NPY2R: variants seen among roughly 807,000 people sequenced by gnomAD.
NPY2R encodes the protein neuropeptide Y receptor type 2.
A neutral mutation model predicts 22.3 loss-of-function variants in NPY2R; 17 were observed. The observed-to-expected ratio is 0.76, with a 90% CI of 0.52 to 1.14. The LOEUF is 1.14. Ranked by LOEUF, NPY2R falls within the 50% of genes most tolerant of loss-of-function variation. NPY2R has a pLI of 0.00. For synonymous variants in NPY2R, 209 were observed against 183.4 expected (o/e 1.14, Z -1.13); for missense variants, 424 against 467.9 (o/e 0.91, Z 0.87).
the NPY2R span, among the ~76,000 whole-genome samples, chr4:155,191,429 C>T: frequency 1.3e-5 from 2 of 151,896 alleles, no homozygotes; most frequent in African/African-American, 4.8e-5. Context: ...AACCAGAAGA[C>T]TTTTCTTTCT....
At chr4:155,206,006 G>C (rs10213647), upstream of NPY2R, among the ~76,000 whole-genome samples, 75,272 of 151,958 alleles carry the variant, frequency 0.5, 20,200 homozygotes, top group African/African-American at 0.72. Flanking sequence ...ATTTTTGCAG[G>C]CCAGCTGAGT....
At chr4:155,178,158 G>C in the NPY2R span, among the ~76,000 whole-genome samples, 1 of 152,136 alleles carries the variant, frequency 6.6e-6, no homozygotes, top group Non-Finnish European at 1.5e-5. Flanking sequence ...AATACTGTGA[G>C]ATCATCTGCT....
At chr4:155,175,806 AAAG>A in the NPY2R span, among the ~76,000 whole-genome samples, 1 of 152,136 alleles carries the variant, frequency 6.6e-6, no homozygotes, top group Non-Finnish European at 1.5e-5. Flanking sequence ...AGAAAAAAGA[AAAG>A]AAATAAATAA....
At chr4:155,196,767 C>A in the NPY2R span, among the ~76,000 whole-genome samples, 1 of 151,480 alleles carries the variant, frequency 6.6e-6, no homozygotes, top group South Asian at 2.1e-4. Flanking sequence ...CCAAAGAGGA[C>A]TCTCTGGGGC....
At chr4:155,203,979 G>T (rs1416178579), upstream of NPY2R, among the ~76,000 whole-genome samples, 1 of 152,126 alleles carries the variant, frequency 6.6e-6, no homozygotes, top group Non-Finnish European at 1.5e-5. Context: ...TTCCACTTCA[G>T]CTGGCTGTGC....
chr4:155,205,404 G>T (rs1729262600), upstream of NPY2R, among the ~76,000 whole-genome samples: 1 of 152,156 alleles, frequency 6.6e-6, no homozygotes, highest in Non-Finnish European at 1.5e-5. Context: ...CTGTTAAAAT[G>T]AAATTACAGT....
chr4:155,201,575 G>T, the NPY2R span, among the ~76,000 whole-genome samples: 1 of 152,092 alleles, frequency 6.6e-6, no homozygotes, highest in Non-Finnish European at 1.5e-5. Context: ...GAGTTTTGGG[G>T]TAGTTTGTTA....
Position 155,214,671 on chromosome 4 carries a change from T to G in NPY2R, c.732T>G (p.Ser244Arg). 1 of 1,614,170 alleles carries G rather than the reference T, an allele frequency of 6.2e-7. No homozygotes were observed. The highest frequency in any genetic ancestry group is 8.5e-7 in the Non-Finnish European group (1 of 1,180,038). The stretch of plus-strand genomic sequence containing the variant: ...CATTTTCCTACACTCGCATTTGGAG[T>G]AAATTGAAGAACCATGTCAGTCCTG... ...IISFSYTRIW[S>R]KLKNHVSPGA... The change falls in exon 2 of 2, where the codon AGT (serine) becomes AGG (arginine). Residue 244 changes from serine to arginine, a missense_variant. Coordinates refer to ENST00000329476, the MANE Select transcript of NPY2R (RefSeq NM_000910.4).
chr4:155,204,842 T>C (rs1729249936), upstream of NPY2R, among the ~76,000 whole-genome samples: 1 of 124,494 alleles, frequency 8.0e-6, no homozygotes, highest in Non-Finnish European at 1.6e-5. Context: ...CCTATGTGGT[T>C]ACAGTTGTCA....
chr4:155,187,684 G>A, the NPY2R span, among the ~76,000 whole-genome samples: 2 of 152,022 alleles, frequency 1.3e-5, no homozygotes, highest in African/African-American at 4.8e-5. Flanking sequence ...TAAACACATG[G>A]TTCATACAAA....
At chr4:155,192,126 T>C in the NPY2R span, among the ~76,000 whole-genome samples, 2 of 151,870 alleles carry the variant, frequency 1.3e-5, no homozygotes, top group Non-Finnish European at 2.9e-5. Context: ...ACCTTAATCA[T>C]GAAACTGCAA....
chr4:155,212,447 A>T (rs1361533505), intron 1 of NPY2R, among the ~76,000 whole-genome samples: 1 of 152,244 alleles, frequency 6.6e-6, no homozygotes, highest in Non-Finnish European at 1.5e-5. Flanking sequence ...GTCCAGTAAA[A>T]TGTGAGAGCC....
At chr4:155,205,789 A>C (rs895038702), upstream of NPY2R, among the ~76,000 whole-genome samples, 1 of 150,220 alleles carries the variant, frequency 6.7e-6, no homozygotes, top group Admixed American at 6.7e-5. Context: ...TTGGAGGCCC[A>C]TGATGAGTCA....
At chr4:155,193,908 C>A in the NPY2R span, among the ~76,000 whole-genome samples, 1 of 151,836 alleles carries the variant, frequency 6.6e-6, no homozygotes, top group Non-Finnish European at 1.5e-5. Flanking sequence ...CAAGGTCTAG[C>A]TGGGAAATAG....
chr4:155,175,672 G>A, the NPY2R span, among the ~76,000 whole-genome samples: 1 of 152,088 alleles, frequency 6.6e-6, no homozygotes, highest in African/African-American at 2.4e-5. Flanking sequence ...AAACAAAAAT[G>A]ACAAGATACT....
At chr4:155,191,934 A>G in the NPY2R span, among the ~76,000 whole-genome samples, 1 of 151,950 alleles carries the variant, frequency 6.6e-6, no homozygotes, top group Non-Finnish European at 1.5e-5. Flanking sequence ...TTGTAGGGCA[A>G]TATGGATTCT....
At chr4:155,211,984 C>A (rs1729413827) in intron 1 of NPY2R, among the ~76,000 whole-genome samples, 1 of 152,192 alleles carries the variant, frequency 6.6e-6, no homozygotes, top group South Asian at 2.1e-4. Context: ...CAAACCCAGC[C>A]AGAATCCCAA....
At chr4:155,200,484 C>T in the NPY2R span, among the ~76,000 whole-genome samples, 4 of 152,022 alleles carry the variant, frequency 2.6e-5, no homozygotes, top group South Asian at 4.1e-4. Flanking sequence ...ACCAATTGAC[C>T]CAGTGATCCC....
chr4:155,183,836 A>T, the NPY2R span, among the ~76,000 whole-genome samples: 2 of 152,276 alleles, frequency 1.3e-5, no homozygotes, highest in East Asian at 1.9e-4. Context: ...GGACTCAACA[A>T]CATGGACTGC....
Sources: gnomAD v4.1 joint callset for allele counts (sites outside exome capture counted in the v4.1 genomes callset) on GRCh38, gnomAD v4.1.1 for gene constraint, MANE v1.5 for transcripts, NCBI Gene and HGNC (gene_info 2026-07-23, HGNC 2026-07-21) for gene names.